Variants in DOLPP1 observed in about 807,000 individuals in gnomAD.
The protein encoded by DOLPP1 is dolichyl pyrophosphate phosphatase 1.
DOLPP1 carries 15 observed loss-of-function variants against 34.1 expected under a neutral mutation model. The ratio of observed to expected loss-of-function variants is 0.44; its 90% CI spans 0.29 to 0.68. The LOEUF is 0.68. Ranked by LOEUF, DOLPP1 falls within the 30% of genes least tolerant of loss-of-function variation. DOLPP1 has a pLI of 0.12. For missense variants in DOLPP1, 249 were observed against 307.1 expected (o/e 0.81, Z 1.41); for synonymous variants, 130 against 128.2 (o/e 1.01, Z -0.10).
rs758659469 is a variant in DOLPP1 at position 129,086,233 on chromosome 9, G to A, written c.556G>A (p.Val186Ile). The A allele has an allele frequency of 6.2e-7, 1 of 1,613,494 alleles. No individual in the cohort carries two copies. The highest frequency in any genetic ancestry group is 8.5e-7 in the Non-Finnish European group (1 of 1,179,978). Reference protein sequence around the residue: ...AIAWFIFTQEVLTPLFPRIAA... With the variant: ...AIAWFIFTQEILTPLFPRIAA... Reference sequence around the variant, plus strand: ...CGCCTGGTTCATCTTCACCCAGGAGGTCCTCACCCCGCTGTTCCCCAGGAT... The same window carrying A: ...CGCCTGGTTCATCTTCACCCAGGAGATCCTCACCCCGCTGTTCCCCAGGAT... Residue 186 changes from valine to isoleucine, a missense_variant, in exon 6 of 8, where the codon GTC becomes ATC. Physicochemically the swap from Val to Ile is conservative, Grantham distance 29. Transcript: ENST00000372546.
rs1040301582 is a variant in DOLPP1 at position 129,089,881 on chromosome 9, C to T, written c.*874C>T. 2 of 152,492 alleles carry T rather than the reference C, an allele frequency of 1.3e-5. No homozygotes were observed. Among genetic ancestry groups the T allele is most frequent in the African/African-American group, 4.8e-5 (2 of 41,446 alleles). The allele number at this position is 152,492 out of a possible 1,614,324, so 9.4% of individuals were successfully genotyped here. A position where few individuals can be genotyped will look rare whatever the true frequency, so the allele number is the denominator to read the frequency against. ...GAGGAGAGGAGTGAGGCAACAGGCA[C>T]CCGAAGTCCCTCGTCCTTCCCTCTG... On this transcript the variant is annotated 3_prime_UTR_variant, in exon 8 of 8. Coordinates refer to ENST00000372546, the MANE Select transcript of DOLPP1 (RefSeq NM_020438.5). This position sits in a 1 kb window ranked among gnomAD's most constrained non-coding sequence, Gnocchi z 4.9.
chr9:129,083,523 T>C (rs754452636), intron 1 of DOLPP1, among the ~76,000 whole-genome samples: 2 of 152,170 alleles, frequency 1.3e-5, no homozygotes, highest in Non-Finnish European at 2.9e-5. Context: ...ATCCTGTGTG[T>C]GGATGAGACC....
intron 5 of DOLPP1, 80 bp from the exon 6 acceptor site, chr9:129,086,059 A>C: frequency 7.1e-7 from 1 of 1,403,430 alleles, no homozygotes; most frequent in Non-Finnish European, 9.9e-7. Flanking sequence ...GTCCCTGGGA[A>C]GCTGGCACAT....
chr9:129,085,700 A>C lies in DOLPP1; in HGVS notation c.461+84A>C, dbSNP rs913754104. 5.4e-6 allele frequency: 6 copies of C among 1,105,620 alleles called. No homozygotes were observed. Among genetic ancestry groups the C allele is most frequent in the Non-Finnish European group, 5.2e-6 (4 of 767,046 alleles). The allele number at this position is 1,105,620 out of a possible 1,614,324, so 68.5% of individuals were successfully genotyped here. A position where few individuals can be genotyped will look rare whatever the true frequency, so the allele number is the denominator to read the frequency against. Reference sequence around the variant, plus strand: ...TGGTCCCTGTCGGACCCCACCATGGACCCTAGTCCCAGAACCTGTAGTGCA... The same window carrying C: ...TGGTCCCTGTCGGACCCCACCATGGCCCCTAGTCCCAGAACCTGTAGTGCA... On this transcript the variant is annotated intron_variant, in intron 5 of 7. Coordinates refer to ENST00000372546, the MANE Select transcript of DOLPP1 (RefSeq NM_020438.5). The surrounding 1 kb of genome is among the most constrained non-coding windows in gnomAD (Gnocchi z 7.0).
At position 129,088,980 on chromosome 9, in the gene DOLPP1, A is replaced by G. The variant is rs768744032; in HGVS notation, c.690A>G (p.Gln230=). 6 of 1,613,760 alleles carry G rather than the reference A, an allele frequency of 3.7e-6. No homozygotes were observed. Among genetic ancestry groups the G allele is most frequent in the East Asian group, 4.5e-5 (2 of 44,882 alleles). The change falls in exon 8 of 8, where the codon CAA becomes CAG. Residue 230 remains glutamine (Q), a synonymous_variant. Transcript: ENST00000372546. ...TVTRAEARNR[Q]RKLGTKLQ ...CCATCCTGTTTTGCAGGAACAGACAACGCAAGCTGGGGACGAAACTGCAGT... is the reference window on the plus strand; with the variant it reads ...CCATCCTGTTTTGCAGGAACAGACAGCGCAAGCTGGGGACGAAACTGCAGT...
In DOLPP1 at chr9:129,085,654, A is replaced by G. The variant is rs368421029; in HGVS notation, c.461+38A>G. On this transcript the variant is annotated intron_variant, in intron 5 of 7. Transcript: ENST00000372546. This position sits in a 1 kb window ranked among gnomAD's most constrained non-coding sequence, Gnocchi z 7.0. Reference sequence around the variant, plus strand: ...GAGAGCCCCTGCCTGCACCCTGCCCATGTGGGGTCCTGCTGGTTCCTGGTC... The same window carrying G: ...GAGAGCCCCTGCCTGCACCCTGCCCGTGTGGGGTCCTGCTGGTTCCTGGTC... 1.2e-4 allele frequency: 178 copies of G among 1,536,100 alleles called. No individual in the cohort carries two copies. Among genetic ancestry groups the G allele is most frequent in the African/African-American group, 9.0e-4 (66 of 73,102 alleles).
At chr9:129,086,605 C>T (rs554435132) in intron 6 of DOLPP1, 104 bp from the exon 7 acceptor site, 150 of 1,180,514 alleles carry the variant, frequency 1.3e-4, no homozygotes, top group Middle Eastern at 2.0e-4. Flanking sequence ...TCTAGGCAGT[C>T]GGGGCGGGTG....
Position 129,085,876 on chromosome 9 carries a change from C to T in DOLPP1, c.461+260C>T, listed in dbSNP as rs1846979346. On this transcript the variant is annotated intron_variant, in intron 5 of 7. Coordinates refer to ENST00000372546, the MANE Select transcript of DOLPP1 (RefSeq NM_020438.5). The surrounding 1 kb of genome is among the most constrained non-coding windows in gnomAD (Gnocchi z 7.0). ...GCGTTCCGGAGGAGCCCACTGTAGA[C>T]AAATTCAGAGGTCAAGGGCTAGATG... 6.6e-6 allele frequency among the ~76,000 whole-genome samples: 1 copy of T among 152,222 alleles called. No individual in the cohort carries two copies. Among genetic ancestry groups the T allele is most frequent in the African/African-American group, 2.4e-5 (1 of 41,450 alleles).
chr9:129,081,185 C>G lies in DOLPP1; in HGVS notation c.54C>G (p.Leu18=). ...CCGCTTCATGGCGGCCGGTGACCCT[C>G]ACCCACGTCGAATATCCTGCAGGTA... ...SLPASWRPVT[L]THVEYPAGDL... The change falls in exon 1 of 8, where the codon CTC becomes CTG. Residue 18 remains leucine, a synonymous_variant. Coordinates refer to ENST00000372546, the MANE Select transcript of DOLPP1 (RefSeq NM_020438.5). 6.2e-7 allele frequency: 1 copy of G among 1,610,314 alleles called. No homozygotes were observed. Among genetic ancestry groups the G allele is most frequent in the Non-Finnish European group, 8.5e-7 (1 of 1,179,632 alleles).
At position 129,090,214 on chromosome 9, in the gene DOLPP1, G is replaced by A. The variant is rs1718028870; in HGVS notation, c.*1207G>A. 1 of 152,524 alleles carries A rather than the reference G, an allele frequency of 6.6e-6. No homozygotes were observed. Among genetic ancestry groups the A allele is most frequent in the Admixed American group, 6.5e-5 (1 of 15,272 alleles). 9.4% of individuals were successfully genotyped at this position (152,524 alleles called of 1,614,324 possible). A position where few individuals can be genotyped will look rare whatever the true frequency, so the allele number is the denominator to read the frequency against. ...ACCTGCTGCTGAAGCACAATGTTTTGGTGCTTTCTTTTCTCATTTGTTAAA... is the reference window on the plus strand; with the variant it reads ...ACCTGCTGCTGAAGCACAATGTTTTAGTGCTTTCTTTTCTCATTTGTTAAA... On this transcript the variant is annotated 3_prime_UTR_variant, in exon 8 of 8. Coordinates refer to ENST00000372546, the MANE Select transcript of DOLPP1 (RefSeq NM_020438.5).
Position 129,085,152 on chromosome 9 carries a change from C to A in DOLPP1, c.262+45C>A. The A allele has an allele frequency of 6.2e-7, 1 of 1,610,048 alleles. No homozygotes were observed. ...GGCCTGAGGTTCCCCCAGGTTGGGG[C>A]GTTACTGGGAGGTCTGCATCCCCCC... On this transcript the variant is annotated intron_variant, in intron 3 of 7. Transcript: ENST00000372546. This position sits in a 1 kb window ranked among gnomAD's most constrained non-coding sequence, Gnocchi z 7.0.
rs11564095 is a variant in DOLPP1 at position 129,089,431 on chromosome 9, C to G, written c.*424C>G. ...GATTTTGGAGCTGGAAGAATCTGCT[C>G]TCCGGTGGCTGCCCTGTGAACAGAG... On this transcript the variant is annotated 3_prime_UTR_variant, in exon 8 of 8. Transcript: ENST00000372546. This position sits in a 1 kb window ranked among gnomAD's most constrained non-coding sequence, Gnocchi z 4.9. The G allele has an allele frequency of 0.012, 2,002 of 170,904 alleles. 22 individuals carry two copies. The highest frequency in any genetic ancestry group is 0.02 in the Non-Finnish European group (1,576 of 77,912). The allele number at this position is 170,904 out of a possible 1,614,324, so 10.6% of individuals were successfully genotyped here.
rs142682926 is a variant in DOLPP1 at position 129,085,286 on chromosome 9, C to T, written c.342C>T (p.Ser114=). 7.6e-5 allele frequency: 123 copies of T among 1,614,042 alleles called. No individual in the cohort carries two copies. Among genetic ancestry groups the T allele is most frequent in the Admixed American group, 4.2e-4 (25 of 60,018 alleles). The change falls in exon 4 of 8, where the codon TCC becomes TCT. Residue 114 remains serine (S), a synonymous_variant. Transcript: ENST00000372546. The surrounding 1 kb of genome is among the most constrained non-coding windows in gnomAD (Gnocchi z 7.0). ...TTATGTGGTTCTTCTCCGTCTATTC[C>T]TTCCTTTTCCTGTATTTAAGGTGAG... ...SQFMWFFSVY[S]FLFLYLRMHQ...
rs753042522 is a variant in DOLPP1, at chr9:129,089,057, T to G, written c.*50T>G. On this transcript the variant is annotated 3_prime_UTR_variant, in exon 8 of 8. Transcript: ENST00000372546. This position sits in a 1 kb window ranked among gnomAD's most constrained non-coding sequence, Gnocchi z 4.9. ...CTCCAGATCTGGCCCGCACGATGCC[T>G]TGCAGGATGGACAGGATGACAGACA... 6.3e-7 allele frequency: 1 copy of G among 1,594,442 alleles called. No homozygotes were observed. The highest frequency in any genetic ancestry group is 8.6e-7 in the Non-Finnish European group (1 of 1,163,176).
Position 129,086,700 on chromosome 9 carries a change from T to G in DOLPP1, c.591-9T>G. Reference sequence around the variant, plus strand: ...TGTGCCCCTGGCTCTCTGATGTCTGTCTCTCCAGGCCTGTCTCCGAGTTCT... The same window carrying G: ...TGTGCCCCTGGCTCTCTGATGTCTGGCTCTCCAGGCCTGTCTCCGAGTTCT... On this transcript the variant is annotated splice_polypyrimidine_tract_variant and intron_variant, in intron 6 of 7. Coordinates refer to ENST00000372546, the MANE Select transcript of DOLPP1 (RefSeq NM_020438.5). The G allele has an allele frequency of 6.2e-7, 1 of 1,613,132 alleles. No homozygotes were observed. The highest frequency in any genetic ancestry group is 8.5e-7 in the Non-Finnish European group (1 of 1,179,326).
At chr9:129,082,614 A>C (rs1431641466) in intron 1 of DOLPP1, among the ~76,000 whole-genome samples, 1 of 152,192 alleles carries the variant, frequency 6.6e-6, no homozygotes. Context: ...CCTGGCAGGC[A>C]GTTGTGTGCA....
chr9:129,083,500 T>C (rs1846927923), intron 1 of DOLPP1, among the ~76,000 whole-genome samples: 1 of 152,146 alleles, frequency 6.6e-6, no homozygotes, highest in African/African-American at 2.4e-5. Flanking sequence ...CTGGGTAGGA[T>C]GGGCTGGGTA....
chr9:129,084,446 C>T lies in DOLPP1; in HGVS notation c.77-222C>T, dbSNP rs143974394. On this transcript the variant is annotated intron_variant, in intron 1 of 7. Transcript: ENST00000372546. The stretch of plus-strand genomic sequence containing the variant: ...GAACAGTGAAGGCACCTGCTTTAAA[C>T]GCATGCTGTGTGCACTTTAGTGCTA... Among the ~76,000 whole-genome samples, 9 of 152,372 alleles carry T rather than the reference C, an allele frequency of 5.9e-5. No individual in the cohort carries two copies. The East Asian group carries it at 1.2e-3, about 20-fold the overall frequency.
chr9:129,089,122 T>G lies in DOLPP1; in HGVS notation c.*115T>G. On this transcript the variant is annotated 3_prime_UTR_variant, in exon 8 of 8. Coordinates refer to ENST00000372546, the MANE Select transcript of DOLPP1 (RefSeq NM_020438.5). This position sits in a 1 kb window ranked among gnomAD's most constrained non-coding sequence, Gnocchi z 4.9. ...ACCTCTACAGACCCAAGTCACCAAG[T>G]GGAGCCTTTTTTTTTCTTATTTTAA... 9.7e-7 allele frequency: 1 copy of G among 1,030,694 alleles called. No individual in the cohort carries two copies. The highest frequency in any genetic ancestry group is 1.4e-5 in the South Asian group (1 of 69,460). 63.8% of individuals were successfully genotyped at this position (1,030,694 alleles called of 1,614,324 possible). A position where few individuals can be genotyped will look rare whatever the true frequency, so the allele number is the denominator to read the frequency against.
Sources: allele counts gnomAD v4.1 joint callset (sites outside exome capture counted in the v4.1 genomes callset), GRCh38; gene constraint gnomAD v4.1.1; non-coding constraint Gnocchi (gnomAD v3.1); transcripts MANE v1.5; gene names NCBI Gene and HGNC (gene_info 2026-07-23, HGNC 2026-07-21).